XPR1: variants seen among roughly 807,000 people sequenced by gnomAD.
The protein encoded by XPR1 is xenotropic and polytropic retrovirus receptor 1.
Under a neutral mutation model 87.5 loss-of-function variants are expected in XPR1, and 28 were observed. That is an observed-to-expected ratio of 0.32 (90% CI 0.24 to 0.44). XPR1 has a LOEUF of 0.44. Among genes scored for constraint, XPR1 ranks in the 20% least tolerant of loss-of-function variants. The probability of loss-of-function intolerance (pLI) is 1.00; values close to 1 mark genes in which losing one functional copy is unlikely to be tolerated. For synonymous variants in XPR1, 300 were observed against 306.1 expected (o/e 0.98, Z 0.21); for missense variants, 559 against 862.3 (o/e 0.65, Z 4.41).
At chr1:180,724,191 T>A (rs1658263169) in intron 2 of XPR1, among the ~76,000 whole-genome samples, 1 of 152,098 alleles carries the variant, frequency 6.6e-6, no homozygotes, top group South Asian at 2.1e-4. Flanking sequence ...AATAAAAAGG[T>A]GGCATACTGA....
intron 12 of XPR1, among the ~76,000 whole-genome samples, chr1:180,864,384 T>C (rs943202144): frequency 9.2e-5 from 14 of 152,222 alleles, no homozygotes. Context: ...ATAGCAGTTA[T>C]CACACTGTAT....
At chr1:180,859,610 T>A (rs1167167483) in intron 11 of XPR1, among the ~76,000 whole-genome samples, 2 of 152,132 alleles carry the variant, frequency 1.3e-5, no homozygotes, top group Non-Finnish European at 2.9e-5. Context: ...TGGTAGTAAT[T>A]AAAATGAGAC....
At chr1:180,762,972 G>A (rs1299029939) in intron 2 of XPR1, among the ~76,000 whole-genome samples, 1 of 152,016 alleles carries the variant, frequency 6.6e-6, no homozygotes, top group Non-Finnish European at 1.5e-5. Flanking sequence ...TTTTCTGATT[G>A]GTTTCACAAA....
At chr1:180,801,844 A>T (rs1649795844) in intron 3 of XPR1, among the ~76,000 whole-genome samples, 2 of 150,484 alleles carry the variant, frequency 1.3e-5, no homozygotes, top group Non-Finnish European at 1.5e-5. Context: ...GCAGTGGCAC[A>T]ATCTCGGCTC....
intron 6 of XPR1, among the ~76,000 whole-genome samples, chr1:180,809,279 AAAGGATT>A (rs1341803783): frequency 6.6e-6 from 1 of 152,162 alleles, no homozygotes; most frequent in Non-Finnish European, 1.5e-5. Context: ...GGCTGGGAGG[AAAGGATT>A]ACAAAGACAC....
intron 1 of XPR1, among the ~76,000 whole-genome samples, chr1:180,654,901 A>G (rs547835877): frequency 1.1e-4 from 17 of 152,298 alleles, no homozygotes; most frequent in South Asian, 2.1e-4. Flanking sequence ...ACAAATATCT[A>G]TCTGAGATCC....
intron 2 of XPR1, among the ~76,000 whole-genome samples, chr1:180,685,702 G>T (rs562045870): frequency 6.6e-6 from 1 of 152,172 alleles, no homozygotes; most frequent in South Asian, 2.1e-4. Context: ...ACTTCTTCAT[G>T]GTTTAGTCTT....
At chr1:180,728,656 G>A (rs1658444111) in intron 2 of XPR1, among the ~76,000 whole-genome samples, 1 of 152,194 alleles carries the variant, frequency 6.6e-6, no homozygotes, top group Non-Finnish European at 1.5e-5. Flanking sequence ...ATTGCTGTAT[G>A]TCATTATTTT....
chr1:180,882,125 T>C (rs933317320), intron 14 of XPR1, among the ~76,000 whole-genome samples: 12 of 152,198 alleles, frequency 7.9e-5, no homozygotes, highest in African/African-American at 2.9e-4. Flanking sequence ...TCTAAACATA[T>C]ACTATTTCTG....
chr1:180,745,301 A>G (rs1368160001), intron 2 of XPR1, among the ~76,000 whole-genome samples: 5 of 152,096 alleles, frequency 3.3e-5, no homozygotes, highest in African/African-American at 1.2e-4. Flanking sequence ...CTTGTATCCA[A>G]AGCTAAGCAG....
rs192432612 is a variant in XPR1 at position 180,836,750 on chromosome 1, A to T, written c.1501+34A>T. 6.2e-6 allele frequency: 10 copies of T among 1,606,308 alleles called. No individual in the cohort carries two copies. The African/African-American group carries it at 1.2e-4, about 19-fold the overall frequency. Reference sequence around the variant, plus strand: ...TGATTGACTCTGAAGAGATTTTTTTAAACCTGGATTTTTACTACCTGACTC... The same window carrying T: ...TGATTGACTCTGAAGAGATTTTTTTTAACCTGGATTTTTACTACCTGACTC... On this transcript the variant is annotated intron_variant, in intron 11 of 14. Coordinates refer to ENST00000367590, the MANE Select transcript of XPR1 (RefSeq NM_004736.4).
intron 11 of XPR1, among the ~76,000 whole-genome samples, chr1:180,842,188 GT>G (rs1446924850): frequency 2.0e-5 from 3 of 152,164 alleles, no homozygotes; most frequent in African/African-American, 7.2e-5. Flanking sequence ...AGACAGTGAG[GT>G]AACCTTGTTT....
chr1:180,640,699 C>T (rs1360028048), intron 1 of XPR1, among the ~76,000 whole-genome samples: 3 of 152,032 alleles, frequency 2.0e-5, no homozygotes, highest in East Asian at 1.9e-4. Context: ...ATATTTCCCT[C>T]AAGGTTATCA....
chr1:180,805,721 A>T (rs1649966862), intron 4 of XPR1, among the ~76,000 whole-genome samples: 2 of 152,248 alleles, frequency 1.3e-5, no homozygotes, highest in Non-Finnish European at 2.9e-5. Flanking sequence ...AAAGCAGCAA[A>T]ATAATAGAAA....
chr1:180,720,139 G>A (rs535072647), intron 2 of XPR1, among the ~76,000 whole-genome samples: 24 of 152,022 alleles, frequency 1.6e-4, no homozygotes, highest in Middle Eastern at 3.2e-3. Context: ...GTGGTGTTAC[G>A]AGATAGGAGA....
chr1:180,833,529 G>A (rs186394541), intron 9 of XPR1, among the ~76,000 whole-genome samples: 1 of 152,020 alleles, frequency 6.6e-6, no homozygotes, highest in East Asian at 1.9e-4. Flanking sequence ...AAAAAACAGG[G>A]GTTGCAATCC....
At chr1:180,775,735 T>G (rs933655512) in intron 2 of XPR1, among the ~76,000 whole-genome samples, 1 of 152,184 alleles carries the variant, frequency 6.6e-6, no homozygotes, top group Non-Finnish European at 1.5e-5. Flanking sequence ...AAATACCTAA[T>G]TCTCTTGAAA....
intron 1 of XPR1, among the ~76,000 whole-genome samples, chr1:180,676,574 C>T (rs1656375960): frequency 1.3e-5 from 2 of 152,152 alleles, no homozygotes; most frequent in African/African-American, 4.8e-5. Flanking sequence ...TACCACTACT[C>T]TATACTTGTA....
chr1:180,766,431 G>T (rs1388671816), intron 2 of XPR1, among the ~76,000 whole-genome samples: 8 of 152,222 alleles, frequency 5.3e-5, no homozygotes, highest in Middle Eastern at 3.4e-3. Flanking sequence ...GACATTATTT[G>T]GGTATGTTTG....
Sources: gnomAD v4.1 joint callset for allele counts (sites outside exome capture counted in the v4.1 genomes callset) on GRCh38, gnomAD v4.1.1 for gene constraint, MANE v1.5 for transcripts, NCBI Gene and HGNC (gene_info 2026-07-23, HGNC 2026-07-21) for gene names.